Variants in NOLC1 observed in about 807,000 individuals in gnomAD.
NOLC1 encodes the protein nucleolar and coiled-body phosphoprotein 1, also known as 140 kDa nucleolar phosphoprotein.
A neutral mutation model predicts 73.4 loss-of-function variants in NOLC1; 37 were observed. That is an observed-to-expected ratio of 0.50 (90% CI 0.39 to 0.66). NOLC1 has a LOEUF of 0.66. Among genes scored for constraint, NOLC1 ranks in the 30% least tolerant of loss-of-function variants. NOLC1 has a pLI of 0.00. For synonymous variants in NOLC1, 327 were observed against 302.6 expected (o/e 1.08, Z -0.84); for missense variants, 921 against 838.9 (o/e 1.10, Z -1.21).
In NOLC1 at chr10:102,160,897, G is replaced by C. The variant is rs1424828303; in HGVS notation, c.1545G>C (p.Glu515Asp). Residue 515 changes from glutamate (E) to aspartate (D), a missense_variant, in exon 10 of 13, where the codon GAG (glutamate) becomes GAC (aspartate). Transcript: ENST00000605788. Reference sequence around the variant, plus strand: ...CCTCTGCAAAGAAAGGAAAGGCTGAGAGCAGCAACAGTTCTTCTTCTGATG... The same window carrying C: ...CCTCTGCAAAGAAAGGAAAGGCTGACAGCAGCAACAGTTCTTCTTCTGATG... The part of the protein sequence containing the change: ...KPASAKKGKA[E>D]SSNSSSSDDS... The C allele has an allele frequency of 1.2e-6, 2 of 1,614,206 alleles. No individual in the cohort carries two copies. Among genetic ancestry groups the C allele is most frequent in the Admixed American group, 1.7e-5 (1 of 60,028 alleles).
chr10:102,157,963 G>A, intron 4 of NOLC1, 86 bp from the exon 5 acceptor site: 1 of 1,218,482 alleles, frequency 8.2e-7, no homozygotes, highest in South Asian at 1.4e-5. Flanking sequence ...TGCTCCATTA[G>A]GCCCCTAAAA....
At chr10:102,158,794 A>G (rs1299369713) in intron 5 of NOLC1, among the ~76,000 whole-genome samples, 1 of 152,106 alleles carries the variant, frequency 6.6e-6, no homozygotes, top group Non-Finnish European at 1.5e-5. Flanking sequence ...TCTAAAGTTG[A>G]AAGAATTGGT....
chr10:102,159,199 C>A lies in NOLC1; in HGVS notation c.614C>A (p.Ala205Glu). ...TTTTTCTTGGGTATTCCAGCTCGAG[C>A]AGCACCTAAAATAGCCAATGGTAAA... ...QTKAPPKPARAAPKIANGKAA... is the reference protein window; with the variant it reads ...QTKAPPKPAREAPKIANGKAA... Residue 205 changes from alanine to glutamate, a missense_variant, in exon 6 of 13, where the codon GCA becomes GAA. Transcript: ENST00000605788. 1 of 1,613,312 alleles carries A rather than the reference C, an allele frequency of 6.2e-7. No individual in the cohort carries two copies. Among genetic ancestry groups the A allele is most frequent in the Admixed American group, 1.7e-5 (1 of 59,902 alleles).
At chr10:102,154,050 C>T (rs972606622) in intron 1 of NOLC1, among the ~76,000 whole-genome samples, 7 of 149,942 alleles carry the variant, frequency 4.7e-5, no homozygotes, top group African/African-American at 1.5e-4. Flanking sequence ...TCAGATGCTA[C>T]GCCCTTCACA....
rs1294307487 is a variant in NOLC1 at position 102,157,658 on chromosome 10, T to C, written c.441+103T>C. ...CCAAGGGGTGATGGCGGCAATACAA[T>C]AGGTGATTATGAGGAAGAAAATCTG... On this transcript the variant is annotated intron_variant, in intron 4 of 12. Transcript: ENST00000605788. 12 of 1,306,966 alleles carry C rather than the reference T, an allele frequency of 9.2e-6. No individual in the cohort carries two copies. The South Asian group carries it at 1.1e-4, about 12-fold the overall frequency. The allele number at this position is 1,306,966 out of a possible 1,614,324, so 81.0% of individuals were successfully genotyped here. A position where few individuals can be genotyped will look rare whatever the true frequency, so the allele number is the denominator to read the frequency against.
intron 1 of NOLC1, among the ~76,000 whole-genome samples, chr10:102,156,506 A>G (rs1247979652): frequency 6.6e-6 from 1 of 150,696 alleles, no homozygotes; most frequent in Admixed American, 6.6e-5. Flanking sequence ...CCTAGGTTCA[A>G]GTGATTCTCC....
chr10:102,161,622 T>G lies in NOLC1; in HGVS notation c.1808T>G (p.Ile603Arg). The change falls in exon 11 of 13, where the codon ATA becomes AGA. Residue 603 changes from isoleucine (I) to arginine (R), a missense_variant. Transcript: ENST00000605788. ...KEAETPQAKKIKLQTPNTFPK... is the reference protein window; with the variant it reads ...KEAETPQAKKRKLQTPNTFPK... ...GCAGAGACTCCTCAGGCCAAGAAGA[T>G]AAAGCTTCAGACCCCTAACACATTT... 6.2e-7 allele frequency: 1 copy of G among 1,614,044 alleles called. No individual in the cohort carries two copies. The highest frequency in any genetic ancestry group is 8.5e-7 in the Non-Finnish European group (1 of 1,179,968).
Position 102,160,270 on chromosome 10 carries a change from G to A in NOLC1, c.1026G>A (p.Lys342=), listed in dbSNP as rs1456475694. 6.2e-7 allele frequency: 1 copy of A among 1,614,212 alleles called. No homozygotes were observed. Among genetic ancestry groups the A allele is most frequent in the Non-Finnish European group, 8.5e-7 (1 of 1,180,032 alleles). The change falls in exon 9 of 13, where the codon AAG becomes AAA. Residue 342 remains lysine, a synonymous_variant. Coordinates refer to ENST00000605788, the MANE Select transcript of NOLC1 (RefSeq NM_004741.5). ...SSEEEKKPPT[K]AVVSKATTKP... is the part of the protein sequence containing the mutation. ...AAGAAGAGAAGAAACCCCCAACTAA[G>A]GCAGTAGTCTCTAAAGCAACCACTA...
At position 102,159,183 on chromosome 10, in the gene NOLC1, G is replaced by C. The variant is rs753206572; in HGVS notation, c.608-10G>C. The C allele has an allele frequency of 6.2e-7, 1 of 1,612,926 alleles. No individual in the cohort carries two copies. Among genetic ancestry groups the C allele is most frequent in the African/African-American group, 1.3e-5 (1 of 74,700 alleles). ...TACTCCTTACTCTTTCTTTTTCTTG[G>C]GTATTCCAGCTCGAGCAGCACCTAA... On this transcript the variant is annotated splice_polypyrimidine_tract_variant and intron_variant, in intron 5 of 12. Coordinates refer to ENST00000605788, the MANE Select transcript of NOLC1 (RefSeq NM_004741.5).
Position 102,152,616 on chromosome 10 carries a change from G to T in NOLC1, c.120+86G>T, listed in dbSNP as rs1042530301. The T allele has an allele frequency of 7.0e-6, 11 of 1,572,610 alleles. No homozygotes were observed. In the African/African-American group the frequency reaches 1.1e-4, roughly 15 times the overall value. On this transcript the variant is annotated intron_variant, in intron 1 of 12. Transcript: ENST00000605788. Reference sequence around the variant, plus strand: ...CGTGCTTAGGTTTCCAGGTGGGGAAGTCTGGGGGTCCGCCAGTCCAGTGTC... The same window carrying T: ...CGTGCTTAGGTTTCCAGGTGGGGAATTCTGGGGGTCCGCCAGTCCAGTGTC...
intron 10 of NOLC1, 124 bp downstream of exon 10, chr10:102,161,217 G>A: frequency 9.9e-7 from 1 of 1,010,806 alleles, no homozygotes; most frequent in South Asian, 1.8e-5. Context: ...AAACTGGGAG[G>A]AAGAACAGGA....
intron 4 of NOLC1, 44 bp from the exon 5 acceptor site, chr10:102,158,005 C>G (rs1452529465): frequency 6.3e-7 from 1 of 1,585,568 alleles, no homozygotes; most frequent in Admixed American, 1.8e-5. Context: ...CTTTGGGTAC[C>G]CGGAAGCTTT....
At chr10:102,156,001 C>A (rs977940236) in intron 1 of NOLC1, among the ~76,000 whole-genome samples, 1 of 151,522 alleles carries the variant, frequency 6.6e-6, no homozygotes, top group Admixed American at 6.6e-5. Flanking sequence ...GGATTACAGG[C>A]GCCTGCCACC....
chr10:102,159,849 A>C lies in NOLC1; in HGVS notation c.860-47A>C, dbSNP rs143494488. ...TTCTACAAGAAAGTAGTATCAAAAA[A>C]AGTTGTAGACATATCCTAAAACCAT... On this transcript the variant is annotated intron_variant, in intron 7 of 12. Coordinates refer to ENST00000605788, the MANE Select transcript of NOLC1 (RefSeq NM_004741.5). 3.1e-5 allele frequency: 46 copies of C among 1,464,736 alleles called. 1 individual carries two copies. In the East Asian group the frequency reaches 1.0e-3, roughly 33 times the overall value. 90.7% of individuals were successfully genotyped at this position (1,464,736 alleles called of 1,614,324 possible). A position where few individuals can be genotyped will look rare whatever the true frequency, so the allele number is the denominator to read the frequency against.
chr10:102,157,452 G>T lies in NOLC1; in HGVS notation c.338G>T (p.Gly113Val). ...KKAAVPAKRV[G>V]LPPGKAAAKA... ...TCAGCTGTACCTGCCAAGCGAGTCG[G>T]TCTGCCTCCTGGGAAGGCTGCAGCC... The change falls in exon 4 of 13, where the codon GGT (glycine) becomes GTT (valine). Residue 113 changes from glycine to valine, a missense_variant. Transcript: ENST00000605788. 1 of 1,614,198 alleles carries T rather than the reference G, an allele frequency of 6.2e-7. No individual in the cohort carries two copies. Among genetic ancestry groups the T allele is most frequent in the Non-Finnish European group, 8.5e-7 (1 of 1,180,036 alleles).
intron 1 of NOLC1, among the ~76,000 whole-genome samples, chr10:102,156,758 G>C (rs2069602152): frequency 6.6e-6 from 1 of 151,974 alleles, no homozygotes; most frequent in Non-Finnish European, 1.5e-5. Context: ...TTTGTTTTAG[G>C]ACTTTGATCA....
At chr10:102,155,616 C>G (rs1001896154) in intron 1 of NOLC1, among the ~76,000 whole-genome samples, 3 of 151,286 alleles carry the variant, frequency 2.0e-5, no homozygotes, top group Non-Finnish European at 4.4e-5. Context: ...TAAAGCGATT[C>G]TCCTGCCTCA....
In NOLC1 at chr10:102,161,629, T is replaced by C. The variant is rs748952810; in HGVS notation, c.1815T>C (p.Leu605=). 2 of 1,613,864 alleles carry C rather than the reference T, an allele frequency of 1.2e-6. No homozygotes were observed. The highest frequency in any genetic ancestry group is 1.1e-5 in the South Asian group (1 of 91,084). ...AETPQAKKIK[L]QTPNTFPKRK... is the part of the protein sequence containing the mutation. ...CTCCTCAGGCCAAGAAGATAAAGCTTCAGACCCCTAACACATTTCCAAAAA... is the reference window on the plus strand; with the variant it reads ...CTCCTCAGGCCAAGAAGATAAAGCTCCAGACCCCTAACACATTTCCAAAAA... Residue 605 remains leucine (L), a synonymous_variant, in exon 11 of 13, where the codon CTT becomes CTC. Coordinates refer to ENST00000605788, the MANE Select transcript of NOLC1 (RefSeq NM_004741.5).
In NOLC1 at chr10:102,157,483, A is replaced by C; in HGVS notation, c.369A>C (p.Ala123=). ...CTCCTGGGAAGGCTGCAGCCAAAGC[A>C]TCAGAGAGTAGCAGCAGTGAAGAGT... The part of the protein sequence containing the change: ...GLPPGKAAAK[A]SESSSSEESS... Residue 123 remains alanine, a synonymous_variant, in exon 4 of 13, where the codon GCA becomes GCC. Coordinates refer to ENST00000605788, the MANE Select transcript of NOLC1 (RefSeq NM_004741.5). 1.2e-6 allele frequency: 2 copies of C among 1,614,214 alleles called. No individual in the cohort carries two copies. Among genetic ancestry groups the C allele is most frequent in the Non-Finnish European group, 1.7e-6 (2 of 1,180,044 alleles).
Sources: gnomAD v4.1 joint callset for allele counts (sites outside exome capture counted in the v4.1 genomes callset) on GRCh38, gnomAD v4.1.1 for gene constraint, MANE v1.5 for transcripts, NCBI Gene and HGNC (gene_info 2026-07-23, HGNC 2026-07-21) for gene names.